The following ARB2A variants were observed in gnomAD, a reference collection of about 807,000 sequenced individuals.
ARB2A encodes ARB2 cotranscriptional regulator A.
At chr5:93,976,152 T>C in the ARB2A span, among the ~76,000 whole-genome samples, 1 of 152,178 alleles carries the variant, frequency 6.6e-6, no homozygotes, top group Non-Finnish European at 1.5e-5. Context: ...TTTTTTGTTA[T>C]TTATTGTTAT....
chr5:94,035,232 T>TATACACATACAC, the ARB2A span, among the ~76,000 whole-genome samples: 1 of 151,494 alleles, frequency 6.6e-6, no homozygotes, highest in Non-Finnish European at 1.5e-5. Flanking sequence ...TACATATACA[T>TATACACATACAC]ATACATATAC....
chr5:93,749,885 A>C, the ARB2A span, among the ~76,000 whole-genome samples: 1 of 152,186 alleles, frequency 6.6e-6, no homozygotes, highest in South Asian at 2.1e-4. Context: ...GTGAACTAAA[A>C]GTTACTCTTG....
the ARB2A span, among the ~76,000 whole-genome samples, chr5:93,671,162 C>T: frequency 6.6e-6 from 1 of 152,146 alleles, no homozygotes; most frequent in Non-Finnish European, 1.5e-5. Context: ...TAATTAAAAA[C>T]TTTCCAGAAT....
the ARB2A span, among the ~76,000 whole-genome samples, chr5:94,091,759 C>A: frequency 6.6e-6 from 1 of 152,088 alleles, no homozygotes; most frequent in African/African-American, 2.4e-5. Flanking sequence ...AGATTGTGGA[C>A]GCTCACTTAG....
At chr5:94,028,314 C>T in the ARB2A span, among the ~76,000 whole-genome samples, 178 of 152,334 alleles carry the variant, frequency 1.2e-3, no homozygotes, top group Non-Finnish European at 2.0e-3. Context: ...CAACACTCAT[C>T]CACCTGTTTC....
chr5:93,935,852 T>C, the ARB2A span, among the ~76,000 whole-genome samples: 1 of 152,066 alleles, frequency 6.6e-6, no homozygotes, highest in Admixed American at 6.6e-5. Flanking sequence ...TTATTTTGTG[T>C]TTTTTTACAA....
At chr5:94,041,654 T>C in the ARB2A span, among the ~76,000 whole-genome samples, 1 of 152,182 alleles carries the variant, frequency 6.6e-6, no homozygotes, top group Non-Finnish European at 1.5e-5. Context: ...AAAATAAAAA[T>C]ATCTTCAAAA....
chr5:94,065,797 C>T, the ARB2A span, among the ~76,000 whole-genome samples: 1 of 152,152 alleles, frequency 6.6e-6, no homozygotes, highest in Admixed American at 6.5e-5. Flanking sequence ...TTTAATTCTT[C>T]ACTCTCAGCA....
the ARB2A span, among the ~76,000 whole-genome samples, chr5:94,062,515 G>A: frequency 6.6e-6 from 1 of 152,146 alleles, no homozygotes; most frequent in African/African-American, 2.4e-5. Flanking sequence ...AAAAGGATAA[G>A]TGAAAGACCC....
At chr5:93,781,781 T>C in the ARB2A span, 22 of 543,716 alleles carry the variant, frequency 4.0e-5, no homozygotes, top group Non-Finnish European at 5.2e-5. Context: ...TGATTAGTGA[T>C]GTCGAGCATT....
the ARB2A span, among the ~76,000 whole-genome samples, chr5:93,743,808 A>G: frequency 6.6e-6 from 1 of 151,954 alleles, no homozygotes; most frequent in African/African-American, 2.4e-5. Context: ...CTGGGATTAC[A>G]GGCGCCTGCC....
chr5:93,857,892 G>T, the ARB2A span, among the ~76,000 whole-genome samples: 1 of 152,188 alleles, frequency 6.6e-6, no homozygotes. Flanking sequence ...CATGCTGGGA[G>T]CTGTAGACTG....
At chr5:93,664,454 AC>A in the ARB2A span, among the ~76,000 whole-genome samples, 1 of 151,754 alleles carries the variant, frequency 6.6e-6, no homozygotes, top group Middle Eastern at 3.4e-3. Context: ...AAACAGTGAA[AC>A]CCCATCTCTA....
chr5:93,740,954 T>C, the ARB2A span: 2 of 1,613,860 alleles, frequency 1.2e-6, no homozygotes, highest in Non-Finnish European at 1.7e-6. Context: ...TGCAGGATCA[T>C]CTCCATTTTG....
At chr5:93,752,984 T>C in the ARB2A span, among the ~76,000 whole-genome samples, 29 of 152,292 alleles carry the variant, frequency 1.9e-4, 1 homozygote, top group South Asian at 6.0e-3. Flanking sequence ...ATTTAGTTCA[T>C]GAAAACATCA....
the ARB2A span, among the ~76,000 whole-genome samples, chr5:93,730,693 T>C: frequency 6.6e-6 from 1 of 152,158 alleles, no homozygotes; most frequent in African/African-American, 2.4e-5. Flanking sequence ...TTGATAAACT[T>C]AGTGGCTGAC....
the ARB2A span, among the ~76,000 whole-genome samples, chr5:93,957,817 C>A: frequency 6.6e-6 from 1 of 151,932 alleles, no homozygotes; most frequent in Non-Finnish European, 1.5e-5. Context: ...TTAAAGAAAT[C>A]CCTTCTAATT....
At chr5:94,049,736 G>A in the ARB2A span, among the ~76,000 whole-genome samples, 5 of 152,108 alleles carry the variant, frequency 3.3e-5, no homozygotes, top group Non-Finnish European at 5.9e-5. Context: ...CACGAGAATC[G>A]CTTGAACCAG....
chr5:93,719,460 C>T, the ARB2A span, among the ~76,000 whole-genome samples: 105 of 152,288 alleles, frequency 6.9e-4, 1 homozygote, highest in African/African-American at 2.5e-3. Flanking sequence ...TCACCATGTG[C>T]TTTTTTAGTC....
Sources: allele counts gnomAD v4.1 joint callset (sites outside exome capture counted in the v4.1 genomes callset), GRCh38; gene constraint gnomAD v4.1.1; transcripts MANE v1.5; gene names NCBI Gene and HGNC (gene_info 2026-07-23, HGNC 2026-07-21).